Variants in PAX2 observed in about 807,000 individuals in gnomAD.
PAX2 encodes paired box protein Pax-2.
Under a neutral mutation model 41.7 loss-of-function variants are expected in PAX2, and 9 were observed. That is an observed-to-expected ratio of 0.22 (90% confidence interval 0.13 to 0.38). The LOEUF is 0.38. Ranked by LOEUF, PAX2 falls within the 10% of genes least tolerant of loss-of-function variation. The pLI, the probability that PAX2 is intolerant of heterozygous loss-of-function variation, is 1.00. For synonymous variants in PAX2, 221 were observed against 212.7 expected (o/e 1.04, Z -0.34); for missense variants, 418 against 531.6 (o/e 0.79, Z 2.10).
chr10:100,755,951 G>T (rs1156685182), intron 3 of PAX2, among the ~76,000 whole-genome samples: 2 of 152,180 alleles, frequency 1.3e-5, no homozygotes, highest in East Asian at 3.8e-4. Flanking sequence ...GTTGGTATTA[G>T]ATGGGGAGTA....
At chr10:100,781,154 C>T in intron 4 of PAX2, 92 bp from the exon 5 acceptor site, 1 of 1,299,304 alleles carries the variant, frequency 7.7e-7, no homozygotes, top group East Asian at 2.3e-5. Context: ...ATGTCCTCTG[C>T]TTCTCTCTGC....
At chr10:100,743,494 C>G (rs1329925518), upstream of PAX2, among the ~76,000 whole-genome samples, 1 of 152,094 alleles carries the variant, frequency 6.6e-6, no homozygotes, top group East Asian at 1.9e-4. Flanking sequence ...TCCTGGATGA[C>G]CAACTTGGAG....
chr10:100,807,520 T>G (rs1055178770), intron 6 of PAX2, among the ~76,000 whole-genome samples: 1 of 151,360 alleles, frequency 6.6e-6, no homozygotes, highest in Non-Finnish European at 1.5e-5. Context: ...CACGGTACTG[T>G]GCTCACACAC....
In PAX2 at chr10:100,829,031, G is replaced by A. The variant is rs1362591599; in HGVS notation, c.*1412G>A. 3 of 226,702 alleles carry A rather than the reference G, an allele frequency of 1.3e-5. No individual in the cohort carries two copies. Among genetic ancestry groups the A allele is most frequent in the Non-Finnish European group, 2.6e-5 (3 of 114,030 alleles). The allele number at this position is 226,702 out of a possible 1,614,324, so 14.0% of individuals were successfully genotyped here. The stretch of plus-strand genomic sequence containing the variant: ...GCCGCTCGCTGGGGGGGAAGGGGGG[G>A]ACACAGCTACACGCCCATTAAAGCA... On this transcript the variant is annotated 3_prime_UTR_variant, in exon 10 of 10. Coordinates refer to ENST00000355243, the MANE Select transcript of PAX2 (RefSeq NM_000278.5).
At chr10:100,774,567 G>T (rs569259756) in intron 3 of PAX2, among the ~76,000 whole-genome samples, 226 of 152,174 alleles carry the variant, frequency 1.5e-3, no homozygotes, top group African/African-American at 5.4e-3. Flanking sequence ...GGGTAGGGAG[G>T]TCTCCTGCCT....
At chr10:100,780,946 G>T (rs142205138) in intron 4 of PAX2, among the ~76,000 whole-genome samples, 3 of 152,184 alleles carry the variant, frequency 2.0e-5, no homozygotes, top group Non-Finnish European at 4.4e-5. Flanking sequence ...TACTCCATCC[G>T]TCTTTAGGAG....
At chr10:100,798,667 T>A (rs1000979982) in intron 5 of PAX2, among the ~76,000 whole-genome samples, 2 of 151,854 alleles carry the variant, frequency 1.3e-5, no homozygotes, top group Non-Finnish European at 2.9e-5. Flanking sequence ...CCTTCTCCTA[T>A]CTCCCTTACC....
At chr10:100,756,971 C>A (rs891084188) in intron 3 of PAX2, among the ~76,000 whole-genome samples, 1 of 152,234 alleles carries the variant, frequency 6.6e-6, no homozygotes, top group Non-Finnish European at 1.5e-5. Flanking sequence ...GCCCAAATAG[C>A]AAGTGAAATA....
chr10:100,819,121 G>A lies in PAX2; in HGVS notation c.920-5527G>A, dbSNP rs767950945. ...AAGTTAGCTGGGTGCAGTGGCAGGC[G>A]CTTGTAATCCCAGCTACTCGTGAGG... On this transcript the variant is annotated intron_variant, in intron 7 of 9. Coordinates refer to ENST00000355243, the MANE Select transcript of PAX2 (RefSeq NM_000278.5). 3.0e-4 allele frequency among the ~76,000 whole-genome samples: 45 copies of A among 151,994 alleles called. 1 individual carries two copies. Among genetic ancestry groups the A allele is most frequent in the African/African-American group, 5.1e-4 (21 of 41,436 alleles).
At position 100,748,165 on chromosome 10, in the gene PAX2, G is replaced by T. The variant is rs921366573; in HGVS notation, c.44-1581G>T. On this transcript the variant is annotated intron_variant, in intron 1 of 9. Coordinates refer to ENST00000355243, the MANE Select transcript of PAX2 (RefSeq NM_000278.5). The surrounding 1 kb of genome is among the most constrained non-coding windows in gnomAD (Gnocchi z 5.0). ...CCACCCCTTAGACTGGGGCTGAGGG[G>T]CCGGGCCCTGAGCCCGGGGAGGCTG... 2 of 985,274 alleles carry T rather than the reference G, an allele frequency of 2.0e-6. No individual in the cohort carries two copies. The highest frequency in any genetic ancestry group is 2.3e-4 in the East Asian group (2 of 8,696). 61.0% of individuals were successfully genotyped at this position (985,274 alleles called of 1,614,324 possible). A position where few individuals can be genotyped will look rare whatever the true frequency, so the allele number is the denominator to read the frequency against.
chr10:100,785,987 G>C (rs1846840840), intron 5 of PAX2, among the ~76,000 whole-genome samples: 1 of 152,242 alleles, frequency 6.6e-6, no homozygotes, highest in Non-Finnish European at 1.5e-5. Flanking sequence ...AGGATTCCAT[G>C]AGGTCGTGAA....
chr10:100,768,761 A>G (rs1230952833), intron 3 of PAX2, among the ~76,000 whole-genome samples: 1 of 152,308 alleles, frequency 6.6e-6, no homozygotes, highest in African/African-American at 2.4e-5. Context: ...CCCGATGCAT[A>G]TGTATAATTA....
chr10:100,772,712 A>G (rs1327465787), intron 3 of PAX2, among the ~76,000 whole-genome samples: 2 of 152,260 alleles, frequency 1.3e-5, no homozygotes, highest in Non-Finnish European at 2.9e-5. Flanking sequence ...TTATACATGT[A>G]TATAACACAT....
In PAX2 at chr10:100,824,660, C is replaced by T. The variant is rs78738655; in HGVS notation, c.932C>T (p.Ala311Val). ...TYPVVTGRDM[A>V]STTLPGYPPH... ...TGTGTTTTTCCAGGTCGTGACATGG[C>T]GAGCACCACTCTGCCTGGTTACCCC... Residue 311 changes from alanine to valine, a missense_variant, in exon 8 of 10, where the codon GCG becomes GTG. Physicochemically the swap from Ala to Val is moderately conservative, Grantham distance 64. Transcript: ENST00000355243. The surrounding 1 kb of genome is among the most constrained non-coding windows in gnomAD (Gnocchi z 6.6). 357 of 1,607,932 alleles carry T rather than the reference C, an allele frequency of 2.2e-4. 1 individual carries two copies. In the African/African-American group the frequency reaches 4.2e-3, roughly 19 times the overall value.
intron 3 of PAX2, among the ~76,000 whole-genome samples, chr10:100,775,402 C>T (rs998903318): frequency 2.6e-5 from 4 of 152,126 alleles, no homozygotes; most frequent in Non-Finnish European, 5.9e-5. Flanking sequence ...GATCCCAGTT[C>T]TTAAATTCTC....
chr10:100,820,372 C>T (rs1299383458), intron 7 of PAX2, among the ~76,000 whole-genome samples: 1 of 152,158 alleles, frequency 6.6e-6, no homozygotes, highest in Non-Finnish European at 1.5e-5. Flanking sequence ...ATTGTCTCAC[C>T]CTTGAAACAA....
chr10:100,822,051 A>T (rs1024888576), intron 7 of PAX2, among the ~76,000 whole-genome samples: 1 of 152,166 alleles, frequency 6.6e-6, no homozygotes, highest in Non-Finnish European at 1.5e-5. Context: ...AGTCAGGAGG[A>T]GTGTAGCTTT....
In PAX2 at chr10:100,779,962, C is replaced by T. The variant is rs1846547445; in HGVS notation, c.496+379C>T. 3.3e-5 allele frequency among the ~76,000 whole-genome samples: 5 copies of T among 151,992 alleles called. No homozygotes were observed. The South Asian group carries it at 1.0e-3, about 32-fold the overall frequency. ...TCTGATTCTGTCTCCCTACCTGTGC[C>T]CTCTTTCTTTTATATCAACTTTCTT... is the stretch of plus-strand genomic sequence containing the variant. On this transcript the variant is annotated intron_variant, in intron 4 of 9. Coordinates refer to ENST00000355243, the MANE Select transcript of PAX2 (RefSeq NM_000278.5).
chr10:100,763,748 T>TA (rs1564714179), intron 3 of PAX2, among the ~76,000 whole-genome samples: 2 of 152,222 alleles, frequency 1.3e-5, no homozygotes, highest in Non-Finnish European at 2.9e-5. Flanking sequence ...AGTAGGTGCT[T>TA]GCTAAGCACC....
Sources: allele counts gnomAD v4.1 joint callset (sites outside exome capture counted in the v4.1 genomes callset), GRCh38; gene constraint gnomAD v4.1.1; non-coding constraint Gnocchi (gnomAD v3.1); transcripts MANE v1.5; gene names NCBI Gene and HGNC (gene_info 2026-07-23, HGNC 2026-07-21).